TOX: variants seen among roughly 807,000 people sequenced by gnomAD.
TOX encodes the protein thymocyte selection-associated high mobility group box protein TOX.
Under a neutral mutation model 53.7 loss-of-function variants are expected in TOX, and 11 were observed. That is an observed-to-expected ratio of 0.20 (90% CI 0.13 to 0.34). The LOEUF is 0.34. TOX is among the 10% of genes least tolerant of loss of function. The pLI is 1.00. For synonymous variants in TOX, 225 were observed against 245.3 expected (o/e 0.92, Z 0.77); for missense variants, 570 against 664.6 (o/e 0.86, Z 1.56).
At chr8:59,097,694 T>C (rs1185806337) in intron 1 of TOX, among the ~76,000 whole-genome samples, 1 of 152,196 alleles carries the variant, frequency 6.6e-6, no homozygotes, top group Non-Finnish European at 1.5e-5. Flanking sequence ...CCTTGACTGA[T>C]AGTTGTACAG....
At chr8:58,847,637 TC>T (rs537602917) in intron 4 of TOX, among the ~76,000 whole-genome samples, 150 of 151,898 alleles carry the variant, frequency 9.9e-4, no homozygotes, top group African/African-American at 3.4e-3. Flanking sequence ...AATGAAAATT[TC>T]CCCAAAATGC....
chr8:58,963,316 T>C (rs552305151), intron 1 of TOX, among the ~76,000 whole-genome samples: 20 of 141,246 alleles, frequency 1.4e-4, no homozygotes, highest in East Asian at 6.0e-4. Flanking sequence ...GATATATATA[T>C]AGATAGATAG....
intron 1 of TOX, among the ~76,000 whole-genome samples, chr8:59,087,637 A>G (rs1322759650): frequency 3.9e-5 from 6 of 152,228 alleles, no homozygotes; most frequent in Admixed American, 6.6e-5. Flanking sequence ...ATGTAATGCC[A>G]TAAAGTATTC....
At chr8:58,824,606 A>T (rs1214918466) in intron 6 of TOX, among the ~76,000 whole-genome samples, 1 of 152,204 alleles carries the variant, frequency 6.6e-6, no homozygotes, top group East Asian at 1.9e-4. Flanking sequence ...TTCAACCCCC[A>T]GATCCAATGT....
chr8:59,000,788 T>G (rs910235058), intron 1 of TOX, among the ~76,000 whole-genome samples: 1 of 152,106 alleles, frequency 6.6e-6, no homozygotes, highest in African/African-American at 2.4e-5. Context: ...CGCATACACA[T>G]TAAAGAGATC....
chr8:58,834,285 T>C (rs749571366), intron 5 of TOX, among the ~76,000 whole-genome samples: 2 of 152,212 alleles, frequency 1.3e-5, no homozygotes, highest in African/African-American at 4.8e-5. Flanking sequence ...TTTGGAACAA[T>C]TGTGGCACAT....
intron 1 of TOX, among the ~76,000 whole-genome samples, chr8:59,025,240 G>T (rs949083187): frequency 6.6e-6 from 1 of 152,100 alleles, no homozygotes; most frequent in Non-Finnish European, 1.5e-5. Flanking sequence ...CTGATTCTAT[G>T]CTATTTCTCG....
intron 1 of TOX, among the ~76,000 whole-genome samples, chr8:59,116,082 A>C (rs1805094524): frequency 6.6e-6 from 1 of 152,186 alleles, no homozygotes; most frequent in South Asian, 2.1e-4. Context: ...ACATTGAAAA[A>C]AATGTCACCG....
chr8:58,989,131 A>G (rs551545936), intron 1 of TOX, among the ~76,000 whole-genome samples: 2 of 152,262 alleles, frequency 1.3e-5, no homozygotes, highest in African/African-American at 2.4e-5. Flanking sequence ...CCTGGCGAAC[A>G]TGGCAAAACT....
chr8:59,033,521 T>C (rs1814396846), intron 1 of TOX, among the ~76,000 whole-genome samples: 1 of 152,210 alleles, frequency 6.6e-6, no homozygotes, highest in South Asian at 2.1e-4. Context: ...ATGGTTTAAA[T>C]GGTAAATTTC....
At position 59,082,022 on chromosome 8, in the gene TOX, A is replaced by C. The variant is rs373143165; in HGVS notation, c.102+36864T>G. On this transcript the variant is annotated intron_variant, in intron 1 of 8. Transcript: ENST00000361421. ...TATTTGTCAACTAAAGCAGTGATTTATTTCATTCTATCTGAGAACAGCTTT... is the reference window on the plus strand; with the variant it reads ...TATTTGTCAACTAAAGCAGTGATTTCTTTCATTCTATCTGAGAACAGCTTT... Among the ~76,000 whole-genome samples, 9 of 152,302 alleles carry C rather than the reference A, an allele frequency of 5.9e-5. No individual in the cohort carries two copies. In the South Asian group the frequency reaches 1.0e-3, roughly 18 times the overall value.
intron 2 of TOX, among the ~76,000 whole-genome samples, chr8:58,944,802 C>T (rs1812500465): frequency 6.6e-6 from 1 of 152,038 alleles, no homozygotes; most frequent in South Asian, 2.1e-4. Context: ...GGGTCATGTC[C>T]AACAAAACAA....
Position 58,832,633 on chromosome 8 carries a change from C to T in TOX, c.924+5448G>A, listed in dbSNP as rs1029921536. On this transcript the variant is annotated intron_variant, in intron 5 of 8. Transcript: ENST00000361421. Reference sequence around the variant, plus strand: ...CCTCATAAGTATAATTCTGGCTCTTCATATCCCTGCTGCTTCTAATTTAGC... The same window carrying T: ...CCTCATAAGTATAATTCTGGCTCTTTATATCCCTGCTGCTTCTAATTTAGC... Among the ~76,000 whole-genome samples, 5 of 152,240 alleles carry T rather than the reference C, an allele frequency of 3.3e-5. No homozygotes were observed. The East Asian group carries it at 9.6e-4, about 29-fold the overall frequency.
chr8:59,038,946 G>A (rs971884332), intron 1 of TOX, among the ~76,000 whole-genome samples: 7 of 151,972 alleles, frequency 4.6e-5, no homozygotes, highest in Admixed American at 4.6e-4. Context: ...CACTGGACTC[G>A]GGGAATGCCA....
At chr8:58,942,413 T>C (rs1812457993) in intron 2 of TOX, among the ~76,000 whole-genome samples, 2 of 152,180 alleles carry the variant, frequency 1.3e-5, no homozygotes, top group Non-Finnish European at 2.9e-5. Context: ...TAACTGGTAA[T>C]AGCTAGTTAT....
intron 1 of TOX, among the ~76,000 whole-genome samples, chr8:58,961,483 G>A (rs550538842): frequency 3.9e-5 from 6 of 152,114 alleles, no homozygotes; most frequent in East Asian, 1.9e-4. Context: ...TCATGAACCC[G>A]GAGTTAAGTG....
chr8:59,018,324 A>G (rs1385865312), intron 1 of TOX, among the ~76,000 whole-genome samples: 4 of 152,196 alleles, frequency 2.6e-5, no homozygotes, highest in Non-Finnish European at 5.9e-5. Flanking sequence ...GGAACAGGGA[A>G]CTGGGAAGGC....
At chr8:58,844,132 T>A (rs1810685703) in intron 4 of TOX, among the ~76,000 whole-genome samples, 1 of 152,132 alleles carries the variant, frequency 6.6e-6, no homozygotes, top group African/African-American at 2.4e-5. Context: ...TTTCTGAGAG[T>A]ACTTGACTTT....
chr8:59,068,915 T>C (rs1449193119), intron 1 of TOX, among the ~76,000 whole-genome samples: 2 of 152,050 alleles, frequency 1.3e-5, no homozygotes, highest in African/African-American at 4.8e-5. Flanking sequence ...AAAGGAGTGA[T>C]GTGAGAAGAG....
Sources: gnomAD v4.1 joint callset for allele counts (sites outside exome capture counted in the v4.1 genomes callset) on GRCh38, gnomAD v4.1.1 for gene constraint, MANE v1.5 for transcripts, NCBI Gene and HGNC (gene_info 2026-07-23, HGNC 2026-07-21) for gene names.